The following ADAMTSL2 variants were observed in gnomAD, a reference collection of about 807,000 sequenced individuals.
ADAMTSL2 encodes the protein ADAMTS like 2.
ADAMTSL2 carries 55 observed loss-of-function variants against 117.0 expected under a neutral mutation model. The ratio of observed to expected loss-of-function variants is 0.47; its 90% CI spans 0.38 to 0.59. The LOEUF is 0.59. Among genes scored for constraint, ADAMTSL2 ranks in the 20% least tolerant of loss-of-function variants. ADAMTSL2 has a pLI of 0.00. For synonymous variants in ADAMTSL2, 572 were observed against 566.4 expected, an observed-to-expected ratio of 1.01 and a Z score of -0.14; for missense variants, 1,182 against 1,354.5, an observed-to-expected ratio of 0.87 and a Z score of 2.00.
chr9:133,560,686 A>G (rs1033833456), intron 11 of ADAMTSL2, among the ~76,000 whole-genome samples: 4 of 152,174 alleles, frequency 2.6e-5, no homozygotes, highest in Non-Finnish European at 5.9e-5. Flanking sequence ...GAGCTTTTTA[A>G]TTTTGATAAT....
At position 133,546,971 on chromosome 9, in the gene ADAMTSL2, A is replaced by T. The variant is rs1464007863; in HGVS notation, c.764-67A>T. The T allele has an allele frequency of 2.6e-6, 4 of 1,524,784 alleles. No individual in the cohort carries two copies. The East Asian group carries it at 9.0e-5, about 34-fold the overall frequency. The allele number at this position is 1,524,784 out of a possible 1,614,324, so 94.5% of individuals were successfully genotyped here. A position where few individuals can be genotyped will look rare whatever the true frequency, so the allele number is the denominator to read the frequency against. ...GGGCAGGGCTGGTGGTGGTTCCCTG[A>T]GTTGGTGACACTGGCTCCTCCCCCA... On this transcript the variant is annotated intron_variant, in intron 8 of 18. Coordinates refer to ENST00000651351, the MANE Select transcript of ADAMTSL2 (RefSeq NM_014694.4).
At chr9:133,567,773 C>T (rs939439756) in intron 13 of ADAMTSL2, among the ~76,000 whole-genome samples, 8 of 152,240 alleles carry the variant, frequency 5.3e-5, no homozygotes, top group Non-Finnish European at 1.2e-4. Flanking sequence ...CAGGCCCTGT[C>T]CTTCCCCTCA....
chr9:133,566,850 G>A, intron 12 of ADAMTSL2, 86 bp from the exon 13 acceptor site: 1 of 1,532,602 alleles, frequency 6.5e-7, no homozygotes, highest in Non-Finnish European at 8.8e-7. Context: ...TGAGAGGTCA[G>A]GTGACTTGCC....
rs796354564 is a variant in ADAMTSL2 at position 133,569,598 on chromosome 9, C to A, written c.2415+20C>A. 7 of 1,554,884 alleles carry A rather than the reference C, an allele frequency of 4.5e-6. No individual in the cohort carries two copies. Among genetic ancestry groups the A allele is most frequent in the Non-Finnish European group, 6.1e-6 (7 of 1,148,686 alleles). On this transcript the variant is annotated intron_variant, in intron 16 of 18. Transcript: ENST00000651351. Reference sequence around the variant, plus strand: ...GAGCGGGTGAGTGCCCCAGAGCCCGCGGAAGGGCCTCCTGGTATCTGGAGA... The same window carrying A: ...GAGCGGGTGAGTGCCCCAGAGCCCGAGGAAGGGCCTCCTGGTATCTGGAGA...
intron 12 of ADAMTSL2, among the ~76,000 whole-genome samples, chr9:133,561,505 T>C (rs1830727434): frequency 6.7e-6 from 1 of 148,662 alleles, no homozygotes; most frequent in Non-Finnish European, 1.5e-5. Flanking sequence ...TGCTAGACCA[T>C]GGTCAGGTCC....
In ADAMTSL2 at chr9:133,554,694, G is replaced by A; in HGVS notation, c.1276+1G>A. On this transcript the variant is annotated splice_donor_variant, in intron 10 of 18. Coordinates refer to ENST00000651351, the MANE Select transcript of ADAMTSL2 (RefSeq NM_014694.4). LOFTEE classifies it high-confidence loss of function. The surrounding 1 kb of genome is among the most constrained non-coding windows in gnomAD (Gnocchi z 5.2). ...CCCCCCAGGGGCAAGGGCTTCCGAG[G>A]TAACCAGGAGGAGGGAGGCATGAGG... The A allele has an allele frequency of 6.7e-7, 1 of 1,485,146 alleles. No individual in the cohort carries two copies. The highest frequency in any genetic ancestry group is 9.0e-7 in the Non-Finnish European group (1 of 1,115,810). The allele number at this position is 1,485,146 out of a possible 1,614,324, so 92.0% of individuals were successfully genotyped here.
chr9:133,538,450 C>T (rs1243729839), intron 4 of ADAMTSL2, 26 bp downstream of exon 4: 5 of 1,611,372 alleles, frequency 3.1e-6, no homozygotes, highest in Non-Finnish European at 3.4e-6. Context: ...GGCAGGGGCA[C>T]CATGGCCTGC....
At chr9:133,536,068 G>A (rs148988376) in intron 1 of ADAMTSL2, among the ~76,000 whole-genome samples, 333 of 152,314 alleles carry the variant, frequency 2.2e-3, no homozygotes, top group African/African-American at 7.4e-3. Context: ...GGCGGCATAG[G>A]TACCTGGGTT....
Position 133,547,096 on chromosome 9 carries a change from C to T in ADAMTSL2, c.822C>T (p.Pro274=), listed in dbSNP as rs1244773778. Reference sequence around the variant, plus strand: ...ACGGCAACTACAAGGTGGACAGCCCCAAGAACTTCAACATCGCAGGCACGG... The same window carrying T: ...ACGGCAACTACAAGGTGGACAGCCCTAAGAACTTCAACATCGCAGGCACGG... ...FFNGNYKVDS[P]KNFNIAGTVV... The change falls in exon 9 of 19, where the codon CCC becomes CCT. Residue 274 remains proline (P), a synonymous_variant. Transcript: ENST00000651351. 6.2e-7 allele frequency: 1 copy of T among 1,613,898 alleles called. No individual in the cohort carries two copies. Among genetic ancestry groups the T allele is most frequent in the Non-Finnish European group, 8.5e-7 (1 of 1,179,810 alleles).
Position 133,558,632 on chromosome 9 carries a change from C to T in ADAMTSL2, c.1650-2566C>T, listed in dbSNP as rs1228541811. Among the ~76,000 whole-genome samples, 1 of 152,222 alleles carries T rather than the reference C, an allele frequency of 6.6e-6. No homozygotes were observed. The highest frequency in any genetic ancestry group is 1.5e-5 in the Non-Finnish European group (1 of 68,040). The stretch of plus-strand genomic sequence containing the variant: ...GGGGAGCCCGTGAGCCTGTGTCTGG[C>T]CGGGCATCTGGGCGAAGGACCCTGA... On this transcript the variant is annotated intron_variant, in intron 11 of 18. Transcript: ENST00000651351. The surrounding 1 kb of genome is among the most constrained non-coding windows in gnomAD (Gnocchi z 4.3).
At chr9:133,533,466 G>A (rs953985083), upstream of ADAMTSL2, among the ~76,000 whole-genome samples, 5 of 152,182 alleles carry the variant, frequency 3.3e-5, no homozygotes, top group South Asian at 4.1e-4. Context: ...CTTGCCTACT[G>A]GAGAGGTGAC....
chr9:133,536,139 G>A (rs949125490), intron 1 of ADAMTSL2, among the ~76,000 whole-genome samples: 4 of 152,328 alleles, frequency 2.6e-5, no homozygotes, highest in African/African-American at 4.8e-5. Flanking sequence ...GGTCTAGGGC[G>A]AGGCTGCACA....
Position 133,573,965 on chromosome 9 carries a change from G to T in ADAMTSL2, c.2715G>T (p.Gln905His), listed in dbSNP as rs1831169610. 1.2e-6 allele frequency: 2 copies of T among 1,613,644 alleles called. No individual in the cohort carries two copies. The highest frequency in any genetic ancestry group is 1.7e-5 in the Admixed American group (1 of 59,988). The stretch of plus-strand genomic sequence containing the variant: ...TTGGCAGACAGGCCTGTGATCTGCA[G>T]CCCTGCCCCACGGAGCCCCCAGGTG... ...KPVGRQACDLQPCPTEPPDDS... is the reference protein window; with the variant it reads ...KPVGRQACDLHPCPTEPPDDS... The change falls in exon 18 of 19, where the codon CAG (glutamine) becomes CAT (histidine). Residue 905 changes from glutamine (Q) to histidine (H), a missense_variant. Around this residue, in one of 3 missense-constraint regions of ADAMTSL2, gnomAD observed 465 missense variants for 565.3 expected, o/e 0.82. Coordinates refer to ENST00000651351, the MANE Select transcript of ADAMTSL2 (RefSeq NM_014694.4).
chr9:133,557,163 A>G lies in ADAMTSL2; in HGVS notation c.1649+1233A>G, dbSNP rs1588295538. Among the ~76,000 whole-genome samples the G allele has an allele frequency of 6.6e-6, 1 of 151,958 alleles. No individual in the cohort carries two copies. Among genetic ancestry groups the G allele is most frequent in the East Asian group, 1.9e-4 (1 of 5,150 alleles). On this transcript the variant is annotated intron_variant, in intron 11 of 18. Coordinates refer to ENST00000651351, the MANE Select transcript of ADAMTSL2 (RefSeq NM_014694.4). This position sits in a 1 kb window ranked among gnomAD's most constrained non-coding sequence, Gnocchi z 5.2. ...TCTCGAGGTGATGTGGTTTGGGGCC[A>G]CCCTCCCACCCATCCAGCCCTGGGA...
intron 13 of ADAMTSL2, 149 bp from the exon 14 acceptor site, chr9:133,568,124 C>T: frequency 1.2e-6 from 1 of 834,192 alleles, no homozygotes; most frequent in South Asian, 1.6e-5. Flanking sequence ...TGAGCCTCGA[C>T]ACCCTCCTGT....
At position 133,534,839 on chromosome 9, in the gene ADAMTSL2, C is replaced by T. The variant is rs1245980399; in HGVS notation, c.-229C>T. On this transcript the variant is annotated 5_prime_UTR_variant, in exon 1 of 19. Coordinates refer to ENST00000651351, the MANE Select transcript of ADAMTSL2 (RefSeq NM_014694.4). ...TCTGCACTCACGCCGCCCCCGCACG[C>T]ACAGCGCACCTGGCGCCGTCTGCCC... 2.7e-6 allele frequency: 4 copies of T among 1,500,458 alleles called. No individual in the cohort carries two copies. The highest frequency in any genetic ancestry group is 3.6e-6 in the Non-Finnish European group (4 of 1,120,896). 92.9% of individuals were successfully genotyped at this position (1,500,458 alleles called of 1,614,324 possible).
At chr9:133,573,810 C>CT in intron 17 of ADAMTSL2, 33 bp from the exon 18 acceptor site, 1 of 1,613,750 alleles carries the variant, frequency 6.2e-7, no homozygotes, top group South Asian at 1.1e-5. Context: ...CATCAGGAGG[C>CT]TTTCCCCATG....
chr9:133,567,755 G>C (rs907040930), intron 13 of ADAMTSL2, among the ~76,000 whole-genome samples: 1 of 152,214 alleles, frequency 6.6e-6, no homozygotes, highest in Non-Finnish European at 1.5e-5. Flanking sequence ...CCCGGGGGTG[G>C]GGTCCAGCAG....
intron 9 of ADAMTSL2, 130 bp downstream of exon 9, chr9:133,547,343 C>G: frequency 1.2e-6 from 1 of 867,056 alleles, no homozygotes; most frequent in Non-Finnish European, 1.8e-6. Flanking sequence ...GGCAGCCTCA[C>G]CACTCTGCGT....
Sources: gnomAD v4.1 joint callset for allele counts (sites outside exome capture counted in the v4.1 genomes callset) on GRCh38, gnomAD v4.1.1 for gene constraint, gnomAD v4.1.1 regional missense constraint, Gnocchi (gnomAD v3.1) non-coding constraint, MANE v1.5 for transcripts, NCBI Gene and HGNC (gene_info 2026-07-23, HGNC 2026-07-21) for gene names.